MTHFD2L: variants seen among roughly 807,000 people sequenced by gnomAD.
MTHFD2L encodes methylenetetrahydrofolate dehydrogenase (NADP+ dependent) 2 like.
A neutral mutation model predicts 34.9 loss-of-function variants in MTHFD2L; 29 were observed. That is an observed-to-expected ratio of 0.83 (90% CI 0.62 to 1.13). The LOEUF (loss-of-function observed/expected upper bound fraction) is 1.13. MTHFD2L is among the 50% of genes most tolerant of loss of function. The pLI, the probability that MTHFD2L is intolerant of heterozygous loss-of-function variation, is 0.00. For synonymous variants in MTHFD2L, 167 were observed against 155.7 expected (o/e 1.07, Z -0.54); for missense variants, 481 against 446.5 (o/e 1.08, Z -0.70).
chr4:74,234,355 A>G (rs986089330), intron 6 of MTHFD2L, among the ~76,000 whole-genome samples: 1 of 152,064 alleles, frequency 6.6e-6, no homozygotes. Flanking sequence ...TATATTTTCA[A>G]TCTACCTGTT....
At chr4:74,240,186 A>G (rs1028982893) in intron 6 of MTHFD2L, among the ~76,000 whole-genome samples, 4 of 152,228 alleles carry the variant, frequency 2.6e-5, no homozygotes, top group Admixed American at 2.0e-4. Context: ...CAGTTTGGAA[A>G]GAACTCGGGA....
intron 3 of MTHFD2L, among the ~76,000 whole-genome samples, chr4:74,196,960 A>C (rs1733591502): frequency 6.6e-6 from 1 of 151,964 alleles, no homozygotes; most frequent in Non-Finnish European, 1.5e-5. Flanking sequence ...AAAAAAAAAA[A>C]AAACCCATAC....
intron 3 of MTHFD2L, among the ~76,000 whole-genome samples, chr4:74,187,287 C>T (rs973363525): frequency 4.6e-5 from 7 of 151,982 alleles, no homozygotes; most frequent in African/African-American, 1.5e-4. Flanking sequence ...AAACCCAAAC[C>T]GCTCCAGAAT....
At chr4:74,220,517 G>A (rs1024196492) in intron 5 of MTHFD2L, among the ~76,000 whole-genome samples, 5 of 151,762 alleles carry the variant, frequency 3.3e-5, no homozygotes, top group African/African-American at 1.2e-4. Context: ...AATGAATATA[G>A]GTGGAATTCT....
intron 5 of MTHFD2L, among the ~76,000 whole-genome samples, chr4:74,224,413 C>T (rs1332083542): frequency 6.6e-6 from 1 of 152,066 alleles, no homozygotes; most frequent in Non-Finnish European, 1.5e-5. Context: ...TTTTTGGAGT[C>T]TGTAGAAATT....
At chr4:74,290,673 T>C (rs1446192534) in intron 7 of MTHFD2L, among the ~76,000 whole-genome samples, 2 of 151,724 alleles carry the variant, frequency 1.3e-5, no homozygotes, top group African/African-American at 4.9e-5. Context: ...CGCGCGAGGG[T>C]ACATTGCTCA....
chr4:74,219,230 A>C (rs139358995), intron 5 of MTHFD2L, among the ~76,000 whole-genome samples: 1 of 152,254 alleles, frequency 6.6e-6, no homozygotes, highest in African/African-American at 2.4e-5. Context: ...ACTGAGGGAC[A>C]ACTGTATTTT....
At chr4:74,122,337 C>T (rs1721807643), upstream of MTHFD2L, among the ~76,000 whole-genome samples, 1 of 152,160 alleles carries the variant, frequency 6.6e-6, no homozygotes, top group African/African-American at 2.4e-5. Context: ...GAAACAAGCA[C>T]ATCTTCACAT....
chr4:74,215,220 T>C (rs1345290453), intron 5 of MTHFD2L, among the ~76,000 whole-genome samples: 2 of 151,782 alleles, frequency 1.3e-5, no homozygotes, highest in Non-Finnish European at 2.9e-5. Context: ...GTCTCACTGA[T>C]GTTCCAAGCG....
intron 5 of MTHFD2L, among the ~76,000 whole-genome samples, chr4:74,208,453 A>C: frequency 6.6e-6 from 1 of 152,212 alleles, no homozygotes; most frequent in Admixed American, 6.5e-5. Flanking sequence ...AGCTTATTTT[A>C]AATGGAGAGT....
At chr4:74,126,706 C>A (rs1722100297) in intron 1 of MTHFD2L, among the ~76,000 whole-genome samples, 1 of 151,900 alleles carries the variant, frequency 6.6e-6, no homozygotes, top group African/African-American at 2.4e-5. Flanking sequence ...AATATGGTGC[C>A]CTCCCTGAGC....
upstream of MTHFD2L, chr4:74,157,372 GTT>G (rs1306582827): frequency 3.4e-6 from 1 of 291,908 alleles, no homozygotes; most frequent in Non-Finnish European, 6.7e-6. Context: ...ATCTGTGACT[GTT>G]TTTTGTGTGT....
chr4:74,143,361 A>G (rs1036162006), intron 1 of MTHFD2L: 2 of 969,018 alleles, frequency 2.1e-6, no homozygotes, highest in Non-Finnish European at 1.2e-6. Flanking sequence ...CTCTTTGAGA[A>G]AAATATTTGT....
In MTHFD2L at chr4:74,163,403, C is replaced by G. The variant is rs148799973; in HGVS notation, c.143+5122C>G. ...GGCCAAGAGCTTTTGTGGCACAAAG[C>G]TTAGCATCTAAGGTTCTTTCTGACA... On this transcript the variant is annotated intron_variant, in intron 1 of 7. Coordinates refer to ENST00000325278, the MANE Select transcript of MTHFD2L (RefSeq NM_001144978.3). Among the ~76,000 whole-genome samples the G allele has an allele frequency of 2.3e-3, 343 of 152,280 alleles. 1 individual carries two copies. Among genetic ancestry groups the G allele is most frequent in the Non-Finnish European group, 3.8e-3 (256 of 68,012 alleles).
At chr4:74,155,588 C>G (rs572629022), upstream of MTHFD2L, among the ~76,000 whole-genome samples, 2 of 152,024 alleles carry the variant, frequency 1.3e-5, no homozygotes, top group Non-Finnish European at 2.9e-5. Flanking sequence ...ATAGGCAAAT[C>G]TGTCCTGAAA....
At chr4:74,122,781 G>A (rs1165272106), upstream of MTHFD2L, among the ~76,000 whole-genome samples, 1 of 152,066 alleles carries the variant, frequency 6.6e-6, no homozygotes, top group Admixed American at 6.6e-5. Context: ...TAACGGTAAA[G>A]GATATTATTG....
At chr4:74,196,398 G>A (rs928264089) in intron 3 of MTHFD2L, among the ~76,000 whole-genome samples, 1 of 152,178 alleles carries the variant, frequency 6.6e-6, no homozygotes, top group African/African-American at 2.4e-5. Context: ...TGGAGGGCAT[G>A]TGATGATGAT....
intron 3 of MTHFD2L, among the ~76,000 whole-genome samples, chr4:74,189,402 G>T: frequency 6.6e-6 from 1 of 151,148 alleles, no homozygotes; most frequent in East Asian, 1.9e-4. Context: ...ATGAGCAAGG[G>T]GAAGAAAAGT....
rs770272733 is a variant in MTHFD2L, at chr4:74,201,418, T to C, written c.712+48T>C. On this transcript the variant is annotated intron_variant, in intron 5 of 7. Transcript: ENST00000325278. ...TACACTCTCTCGCAGTATTCTTACT[T>C]CTTACATCATCAAGTAAACACTTTT... 2.9e-6 allele frequency: 4 copies of C among 1,358,306 alleles called. No individual in the cohort carries two copies. The South Asian group carries it at 3.8e-5, about 13-fold the overall frequency. The allele number at this position is 1,358,306 out of a possible 1,614,324, so 84.1% of individuals were successfully genotyped here.
Sources: allele counts gnomAD v4.1 joint callset (sites outside exome capture counted in the v4.1 genomes callset), GRCh38; gene constraint gnomAD v4.1.1; transcripts MANE v1.5; gene names NCBI Gene and HGNC (gene_info 2026-07-23, HGNC 2026-07-21).